The following CCDC57 variants were observed in gnomAD, a reference collection of about 807,000 sequenced individuals.
The protein encoded by CCDC57 is coiled-coil domain-containing protein 57.
CCDC57 carries 118 observed loss-of-function variants against 118.9 expected under a neutral mutation model. The ratio of observed to expected loss-of-function variants is 0.99; its 90% CI spans 0.86 to 1.16. The LOEUF is 1.16. CCDC57 is among the 50% of genes most tolerant of loss of function. The pLI is 0.00. For synonymous variants in CCDC57, 527 were observed against 532.9 expected (o/e 0.99, Z 0.15); for missense variants, 1,300 against 1,320.7 (o/e 0.98, Z 0.24).
intron 18 of CCDC57, 55 bp from the exon 18 acceptor site, chr17:82,127,963 C>A (rs1242226914): frequency 8.8e-6 from 14 of 1,593,484 alleles, no homozygotes; most frequent in African/African-American, 2.7e-5. Context: ...GAGGAAGCCA[C>A]AGGACTCCCC....
At chr17:82,151,657 C>T (rs902874616) in exon 16 of CCDC57, 2 of 1,550,422 alleles carry the variant, frequency 1.3e-6, no homozygotes, top group Non-Finnish European at 1.7e-6. Context: ...CTGCCTCCTT[C>T]AGCTTTCTCT....
intron 16 of CCDC57, among the ~76,000 whole-genome samples, chr17:82,147,574 C>T (rs55679819): frequency 0.54 from 62,791 of 116,458 alleles, 15,369 homozygotes; most frequent in East Asian, 0.88. Flanking sequence ...GGTGGGTGTA[C>T]GAATGGATGG....
intron 13 of CCDC57, among the ~76,000 whole-genome samples, 161 bp downstream of exon 12, chr17:82,171,540 C>G (rs1037792790): frequency 1.3e-5 from 2 of 152,238 alleles, no homozygotes; most frequent in Non-Finnish European, 2.9e-5. Flanking sequence ...AGCCAGGGCA[C>G]GTGGGCTCTG....
intron 11 of CCDC57, among the ~76,000 whole-genome samples, chr17:82,174,474 A>T (rs958235975): frequency 6.6e-6 from 1 of 152,350 alleles, no homozygotes; most frequent in East Asian, 1.9e-4. Flanking sequence ...GGAAAGCCGG[A>T]CAAACTCCAA....
chr17:82,208,661 G>A (rs1406726489), intron 1 of CCDC57, among the ~76,000 whole-genome samples: 2 of 152,088 alleles, frequency 1.3e-5, no homozygotes, highest in Admixed American at 1.3e-4. Flanking sequence ...ATCCTGAGTA[G>A]CTGGGACTAC....
At chr17:82,167,389 A>ATC (rs2044129125) in intron 13 of CCDC57, among the ~76,000 whole-genome samples, 2 of 150,174 alleles carry the variant, frequency 1.3e-5, no homozygotes. Flanking sequence ...TTGCTCTTGT[A>ATC]GCCCAGGCTG....
chr17:82,169,994 CAA>C (rs2044482915), intron 13 of CCDC57, among the ~76,000 whole-genome samples: 1 of 152,118 alleles, frequency 6.6e-6, no homozygotes, highest in Non-Finnish European at 1.5e-5. Context: ...AAATCTATGA[CAA>C]AGGGCAGATG....
chr17:82,147,683 G>A (rs1213909143), intron 16 of CCDC57, among the ~76,000 whole-genome samples: 3 of 142,042 alleles, frequency 2.1e-5, no homozygotes, highest in Non-Finnish European at 3.1e-5. Flanking sequence ...GTGAATGGAT[G>A]AATGGGTGGG....
intron 2 of CCDC57, 101 bp from the exon 2 acceptor site, chr17:82,202,053 G>T: frequency 8.3e-7 from 1 of 1,208,608 alleles, no homozygotes. Flanking sequence ...TACCACGGCC[G>T]GGCACGGTGG....
At chr17:82,191,936 A>G (rs2047712354) in intron 7 of CCDC57, among the ~76,000 whole-genome samples, 1 of 151,144 alleles carries the variant, frequency 6.6e-6, no homozygotes, top group East Asian at 1.9e-4. Context: ...CCAAAGTACT[A>G]GGATTATAGG....
In CCDC57 at chr17:82,183,776, T is replaced by C. The variant is rs1021048722; in HGVS notation, c.1209A>G (p.Glu403=). ...AACATCTGCCTGGGGACAGTTACCTTTCAATGTCCTGCTGGGATCGGGCCA... is the reference window on the plus strand; with the variant it reads ...AACATCTGCCTGGGGACAGTTACCTCTCAATGTCCTGCTGGGATCGGGCCA... Residue 403 remains glutamate (E), a splice_region_variant and synonymous_variant, in exon 9 of 20, where the codon GAA becomes GAG. Transcript: ENST00000665763. 4 of 1,556,202 alleles carry C rather than the reference T, an allele frequency of 2.6e-6. No individual in the cohort carries two copies. The African/African-American group carries it at 5.5e-5, about 21-fold the overall frequency.
In CCDC57 at chr17:82,126,943, C is replaced by T. The variant is rs2037523107; in HGVS notation, c.2899+749G>A. ...CAGGCACACAGGAAGGACGCACGCT[C>T]CCGCCCCAACCACATCACACGTCCC... On this transcript the variant is annotated intron_variant, in intron 19 of 19. Transcript: ENST00000665763. 8 of 985,270 alleles carry T rather than the reference C, an allele frequency of 8.1e-6. No homozygotes were observed. In the South Asian group the frequency reaches 2.8e-4, roughly 35 times the overall value. 61.0% of individuals were successfully genotyped at this position (985,270 alleles called of 1,614,324 possible). A position where few individuals can be genotyped will look rare whatever the true frequency, so the allele number is the denominator to read the frequency against.
rs369439783 is a variant in CCDC57, at chr17:82,212,524, G to A, written c.-211+261C>T. On this transcript the variant is annotated intron_variant, in intron 1 of 19. Transcript: ENST00000665763. This position sits in a 1 kb window ranked among gnomAD's most constrained non-coding sequence, Gnocchi z 4.1. Reference sequence around the variant, plus strand: ...GGGGCCCTGGTCGGCAGCGCCCACCGCCCCAGGTCACCCACGGGAGACCGA... The same window carrying A: ...GGGGCCCTGGTCGGCAGCGCCCACCACCCCAGGTCACCCACGGGAGACCGA... Among the ~76,000 whole-genome samples, 2 of 149,714 alleles carry A rather than the reference G, an allele frequency of 1.3e-5. No homozygotes were observed. Among genetic ancestry groups the A allele is most frequent in the Non-Finnish European group, 3.0e-5 (2 of 67,626 alleles).
Position 82,127,681 on chromosome 17 carries a change from C to G in CCDC57, c.2899+11G>C, listed in dbSNP as rs770488811. 126 of 1,587,628 alleles carry G rather than the reference C, an allele frequency of 7.9e-5. No homozygotes were observed. Among genetic ancestry groups the G allele is most frequent in the Non-Finnish European group, 1.1e-4 (125 of 1,167,064 alleles). On this transcript the variant is annotated intron_variant, in intron 19 of 19. Transcript: ENST00000665763. Reference sequence around the variant, plus strand: ...AGCTGTGGGCAGCTCCTGGGGAGGGCAGTCTCCTACCTGGAGTTGAGTCAC... The same window carrying G: ...AGCTGTGGGCAGCTCCTGGGGAGGGGAGTCTCCTACCTGGAGTTGAGTCAC...
chr17:82,188,357 G>C (rs1249854954), exon 8 of CCDC57: 1 of 1,610,742 alleles, frequency 6.2e-7, no homozygotes, highest in East Asian at 2.2e-5. Context: ...CTCCACGTGG[G>C]CTCCCTTCAC....
At chr17:82,158,095 C>A in intron 14 of CCDC57, 147 bp from the exon 14 acceptor site, 1 of 1,430,946 alleles carries the variant, frequency 7.0e-7, no homozygotes, top group Non-Finnish European at 9.1e-7. Flanking sequence ...ATGCAACTGC[C>A]CTCAGCCCTC....
At chr17:82,135,942 G>C (rs1351805277) in intron 16 of CCDC57, among the ~76,000 whole-genome samples, 1 of 152,046 alleles carries the variant, frequency 6.6e-6, no homozygotes, top group African/African-American at 2.4e-5. Flanking sequence ...AGTTTTTAAA[G>C]ATATGCAATA....
chr17:82,204,103 C>T (rs922137039), intron 2 of CCDC57, among the ~76,000 whole-genome samples: 1 of 152,078 alleles, frequency 6.6e-6, no homozygotes, highest in Non-Finnish European at 1.5e-5. Context: ...CCTGAGACGG[C>T]GCTTCTCTGA....
At chr17:82,121,913 C>T (rs1224059307) in intron 19 of CCDC57, among the ~76,000 whole-genome samples, 1 of 152,232 alleles carries the variant, frequency 6.6e-6, no homozygotes, top group African/African-American at 2.4e-5. Context: ...CTAAAAGCAT[C>T]TTAACTGATC....
Sources: gnomAD v4.1 joint callset for allele counts (sites outside exome capture counted in the v4.1 genomes callset) on GRCh38, gnomAD v4.1.1 for gene constraint, Gnocchi (gnomAD v3.1) non-coding constraint, MANE v1.5 for transcripts, NCBI Gene and HGNC (gene_info 2026-07-23, HGNC 2026-07-21) for gene names.